Variants in GMDS observed in about 807,000 individuals in gnomAD.
GMDS encodes GDP-mannose 4,6 dehydratase.
GMDS carries 20 observed loss-of-function variants against 49.9 expected under a neutral mutation model. That is an observed-to-expected ratio of 0.40 (90% CI 0.28 to 0.58). GMDS has a LOEUF of 0.58. GMDS is among the 20% of genes least tolerant of loss of function. GMDS has a pLI of 0.42. For synonymous variants in GMDS, 177 were observed against 178.6 expected (o/e 0.99, Z 0.07); for missense variants, 362 against 481.4 (o/e 0.75, Z 2.32).
intron 9 of GMDS, among the ~76,000 whole-genome samples, chr6:1,655,208 TTCCTTGGGGGTATC>T (rs1359293910): frequency 1.3e-5 from 2 of 152,188 alleles, no homozygotes; most frequent in African/African-American, 4.8e-5. Flanking sequence ...CTAGAGCTAC[TTCCTTGGGGGTATC>T]TGAGCCTTAA....
At chr6:2,056,590 A>G (rs576242771) in intron 4 of GMDS, among the ~76,000 whole-genome samples, 2 of 152,230 alleles carry the variant, frequency 1.3e-5, no homozygotes, top group South Asian at 4.1e-4. Flanking sequence ...TACCCATCAG[A>G]ATCACTTCAG....
intron 7 of GMDS, among the ~76,000 whole-genome samples, chr6:1,852,620 CT>C (rs903841727): frequency 1.7e-4 from 25 of 150,968 alleles, no homozygotes; most frequent in African/African-American, 2.4e-4. Flanking sequence ...TTCTTAGTGT[CT>C]TTTTTTTTCT....
intron 9 of GMDS, among the ~76,000 whole-genome samples, chr6:1,707,399 G>C (rs1765776969): frequency 6.6e-6 from 1 of 152,168 alleles, no homozygotes; most frequent in South Asian, 2.1e-4. Context: ...GGGAGGAAAG[G>C]CTTCAGTGAC....
intron 7 of GMDS, among the ~76,000 whole-genome samples, chr6:1,786,960 G>A (rs745382306): frequency 2.0e-5 from 3 of 152,088 alleles, no homozygotes; most frequent in African/African-American, 4.8e-5. Context: ...ACAGCCTCGC[G>A]CCACTCTGCC....
At chr6:1,762,637 G>T (rs1292457644) in intron 7 of GMDS, among the ~76,000 whole-genome samples, 2 of 152,196 alleles carry the variant, frequency 1.3e-5, no homozygotes. Context: ...AGCACTTTGA[G>T]GTGGTGTTTA....
chr6:1,955,613 A>G (rs933319634), intron 6 of GMDS, among the ~76,000 whole-genome samples: 5 of 152,290 alleles, frequency 3.3e-5, no homozygotes, highest in African/African-American at 1.2e-4. Context: ...TGAGGGATGC[A>G]AAGTCGCAGA....
In GMDS at chr6:1,811,122, G is replaced by A. The variant is rs184152972; in HGVS notation, c.772-68536C>T. 3.3e-5 allele frequency among the ~76,000 whole-genome samples: 5 copies of A among 152,214 alleles called. No individual in the cohort carries two copies. In the East Asian group the frequency reaches 9.7e-4, roughly 29 times the overall value. The stretch of plus-strand genomic sequence containing the variant: ...GAAAGACTTTTACAGTCTTCTTTTG[G>A]TTTTCTGATTACTTCACTGACCACA... On this transcript the variant is annotated intron_variant, in intron 7 of 10. Coordinates refer to ENST00000380815, the MANE Select transcript of GMDS (RefSeq NM_001500.4).
At chr6:1,979,159 A>G (rs1765083701) in intron 4 of GMDS, among the ~76,000 whole-genome samples, 1 of 152,276 alleles carries the variant, frequency 6.6e-6, no homozygotes, top group Non-Finnish European at 1.5e-5. Context: ...AAATGACTGC[A>G]GTAACTCCAG....
chr6:1,798,453 A>G (rs1769823160), intron 7 of GMDS, among the ~76,000 whole-genome samples: 2 of 152,230 alleles, frequency 1.3e-5, no homozygotes. Flanking sequence ...ATAAGAGCAG[A>G]ACCTGTAGAA....
At chr6:2,047,053 T>A (rs1770062049) in intron 4 of GMDS, among the ~76,000 whole-genome samples, 1 of 152,192 alleles carries the variant, frequency 6.6e-6, no homozygotes, top group Non-Finnish European at 1.5e-5. Flanking sequence ...TACTAGAAAT[T>A]CTGACTATAT....
chr6:1,953,806 T>C (rs1763485952), intron 6 of GMDS, among the ~76,000 whole-genome samples: 1 of 152,190 alleles, frequency 6.6e-6, no homozygotes, highest in African/African-American at 2.4e-5. Flanking sequence ...AATATACTTA[T>C]TTATGAACTA....
intron 9 of GMDS, among the ~76,000 whole-genome samples, chr6:1,638,932 A>C (rs1305845347): frequency 6.6e-6 from 1 of 152,192 alleles, no homozygotes; most frequent in Non-Finnish European, 1.5e-5. Context: ...GGATAGTGAG[A>C]GTGCAGAAAG....
chr6:1,660,580 G>A (rs79539042), intron 9 of GMDS, among the ~76,000 whole-genome samples: 1 of 151,718 alleles, frequency 6.6e-6, no homozygotes, highest in Admixed American at 6.6e-5. Context: ...ATGTGTCAAT[G>A]AGGAAAAGGC....
At chr6:2,035,882 T>C (rs1769278008) in intron 4 of GMDS, among the ~76,000 whole-genome samples, 1 of 152,122 alleles carries the variant, frequency 6.6e-6, no homozygotes, top group South Asian at 2.1e-4. Flanking sequence ...AAACGGGGTT[T>C]CACCATGTTG....
chr6:1,959,783 T>C lies in GMDS; in HGVS notation c.643+84A>G, dbSNP rs1383556322. The stretch of plus-strand genomic sequence containing the variant: ...TACAGATAGGAAATTTTTCAGTCTC[T>C]GTAGTACATACACCAAATAGACATG... On this transcript the variant is annotated intron_variant, in intron 6 of 10. Transcript: ENST00000380815. The C allele has an allele frequency of 3.1e-5, 22 of 705,758 alleles. No individual in the cohort carries two copies. In the Admixed American group the frequency reaches 5.7e-4, roughly 18 times the overall value. The allele number at this position is 705,758 out of a possible 1,614,324, so 43.7% of individuals were successfully genotyped here. A position where few individuals can be genotyped will look rare whatever the true frequency, so the allele number is the denominator to read the frequency against.
At chr6:2,065,165 T>A (rs1360382014) in intron 4 of GMDS, among the ~76,000 whole-genome samples, 8 of 152,116 alleles carry the variant, frequency 5.3e-5, no homozygotes, top group East Asian at 1.9e-4. Context: ...AGGGGCAGAC[T>A]GACACCTCAC....
intron 9 of GMDS, among the ~76,000 whole-genome samples, chr6:1,643,085 C>A (rs984746247): frequency 1.3e-5 from 2 of 151,478 alleles, no homozygotes; most frequent in Non-Finnish European, 2.9e-5. Flanking sequence ...AGTCTCTTCC[C>A]CTGAGTCTCC....
At chr6:2,148,091 T>C (rs1776661734) in intron 1 of GMDS, among the ~76,000 whole-genome samples, 1 of 152,074 alleles carries the variant, frequency 6.6e-6, no homozygotes, top group African/African-American at 2.4e-5. Context: ...TGAAACACAT[T>C]TTTACTATTC....
chr6:1,636,695 G>T (rs1341708941), intron 9 of GMDS, among the ~76,000 whole-genome samples: 1 of 152,206 alleles, frequency 6.6e-6, no homozygotes, highest in African/African-American at 2.4e-5. Context: ...TAGGATTGGG[G>T]GCACTGGCTG....
Sources: allele counts gnomAD v4.1 joint callset (sites outside exome capture counted in the v4.1 genomes callset), GRCh38; gene constraint gnomAD v4.1.1; transcripts MANE v1.5; gene names NCBI Gene and HGNC (gene_info 2026-07-23, HGNC 2026-07-21).